The following PLS1 variants were observed in gnomAD, a reference collection of about 807,000 sequenced individuals.
PLS1 encodes the protein plastin-1.
In PLS1, 32 loss-of-function variants were observed where a neutral mutation model predicts 73.7. That is an observed-to-expected ratio of 0.43 (90% CI 0.33 to 0.58). PLS1 has a LOEUF of 0.58. Among genes scored for constraint, PLS1 ranks in the 20% least tolerant of loss-of-function variants. The pLI is 0.04. For missense variants in PLS1, 633 were observed against 740.5 expected, an observed-to-expected ratio of 0.85 and a Z score of 1.68; for synonymous variants, 217 against 261.3, an observed-to-expected ratio of 0.83 and a Z score of 1.63.
chr3:142,664,096 C>T (rs1324723637), intron 1 of PLS1, 106 bp from the exon 2 acceptor site: 1 of 473,136 alleles, frequency 2.1e-6, no homozygotes, highest in Admixed American at 3.8e-5. Context: ...TCAGCCAGAT[C>T]TCATAGATAA....
At chr3:142,685,817 C>A (rs759152994) in intron 8 of PLS1, among the ~76,000 whole-genome samples, 1 of 152,126 alleles carries the variant, frequency 6.6e-6, no homozygotes. Context: ...TTAATGTATG[C>A]ATGGGGAAGA....
Position 142,637,022 on chromosome 3 carries a change from A to G in PLS1, c.-36-27180A>G, listed in dbSNP as rs892500735. Among the ~76,000 whole-genome samples, 6 of 152,192 alleles carry G rather than the reference A, an allele frequency of 3.9e-5. No homozygotes were observed. In the East Asian group the frequency reaches 1.2e-3, roughly 29 times the overall value. ...AACTTGATAGCATCTTAAAAAGTCA[A>G]ATATACATTTACCACGATTTCCAGC... On this transcript the variant is annotated intron_variant, in intron 1 of 15. Coordinates refer to ENST00000457734, the MANE Select transcript of PLS1 (RefSeq NM_001145319.2).
intron 1 of PLS1, among the ~76,000 whole-genome samples, chr3:142,628,339 GTGCGCGC>G (rs1343715020): frequency 6.9e-5 from 2 of 29,058 alleles, no homozygotes; most frequent in African/African-American, 8.1e-4. Flanking sequence ...GTGTGTGTGT[GTGCGCGC>G]ACATGTGCAT....
chr3:142,692,861 T>G (rs190956560), intron 10 of PLS1, among the ~76,000 whole-genome samples: 1 of 151,056 alleles, frequency 6.6e-6, no homozygotes, highest in East Asian at 1.9e-4. Context: ...ATCTTTATGA[T>G]AGATAGAGAA....
chr3:142,659,233 CAG>C (rs1312892059), intron 1 of PLS1, among the ~76,000 whole-genome samples: 1 of 152,148 alleles, frequency 6.6e-6, no homozygotes, highest in East Asian at 1.9e-4. Context: ...TGACCCGAGT[CAG>C]GGGCTAGCTT....
At chr3:142,710,924 T>C (rs1054541854) in intron 14 of PLS1, among the ~76,000 whole-genome samples, 1 of 152,196 alleles carries the variant, frequency 6.6e-6, no homozygotes, top group African/African-American at 2.4e-5. Context: ...GGGTTCTGTA[T>C]TTACTGGTTG....
chr3:142,654,028 C>T (rs1346455034), intron 1 of PLS1, among the ~76,000 whole-genome samples: 1 of 152,172 alleles, frequency 6.6e-6, no homozygotes, highest in African/African-American at 2.4e-5. Flanking sequence ...CTAGGGGCCA[C>T]ATGTTGGGGC....
rs1026776659 is a variant in PLS1 at position 142,631,889 on chromosome 3, A to G, written c.-36-32313A>G. 1.0e-3 allele frequency among the ~76,000 whole-genome samples: 158 copies of G among 152,176 alleles called. 1 individual carries two copies. Among genetic ancestry groups the G allele is most frequent in the African/African-American group, 3.6e-3 (150 of 41,524 alleles). ...ACATGGGACTTCATCAAACCAAAAA[A>G]CTTCTGCACATCAAAGGAAATAATC... On this transcript the variant is annotated intron_variant, in intron 1 of 15. Coordinates refer to ENST00000457734, the MANE Select transcript of PLS1 (RefSeq NM_001145319.2).
chr3:142,658,728 G>A (rs558961495), intron 1 of PLS1, among the ~76,000 whole-genome samples: 4 of 152,242 alleles, frequency 2.6e-5, no homozygotes, highest in African/African-American at 9.6e-5. Flanking sequence ...TTGAGAAACA[G>A]ATGTGATTCA....
At chr3:142,694,184 T>A (rs1345893115) in intron 10 of PLS1, among the ~76,000 whole-genome samples, 1 of 152,102 alleles carries the variant, frequency 6.6e-6, no homozygotes, top group Non-Finnish European at 1.5e-5. Context: ...ACCACAGAAG[T>A]GTATCTGTTA....
intron 1 of PLS1, among the ~76,000 whole-genome samples, chr3:142,597,899 A>G (rs2035840472): frequency 6.6e-6 from 1 of 152,210 alleles, no homozygotes; most frequent in Non-Finnish European, 1.5e-5. Context: ...CTAGTACCTC[A>G]TAAATTCCTT....
chr3:142,704,635 A>ATTTTT lies in PLS1; in HGVS notation c.1629+75_1629+79dup, dbSNP rs10631186. On this transcript the variant is annotated intron_variant, in intron 14 of 15. Coordinates refer to ENST00000457734, the MANE Select transcript of PLS1 (RefSeq NM_001145319.2). ...TTTTTTTTTGTAGGTATAGGAAGGA[A>ATTTTT]TTTTTTTTTTTTTTTTTTTTTTTTT... 8.6e-3 allele frequency: 2,247 copies of ATTTTT among 261,674 alleles called. 100 individuals are homozygous for ATTTTT. The highest frequency in any genetic ancestry group is 0.01 in the Non-Finnish European group (1,572 of 151,846). 16.2% of individuals were successfully genotyped at this position (261,674 alleles called of 1,614,324 possible).
chr3:142,665,297 C>CA (rs11285999), intron 2 of PLS1, among the ~76,000 whole-genome samples: 6,846 of 112,182 alleles, frequency 0.061, 214 homozygotes, highest in Non-Finnish European at 0.094. Context: ...AAAAGCACTC[C>CA]AAAAAAAAAA....
chr3:142,608,810 A>G (rs1030974537), intron 1 of PLS1, among the ~76,000 whole-genome samples: 7 of 152,218 alleles, frequency 4.6e-5, no homozygotes, highest in Non-Finnish European at 1.5e-5. Context: ...AAACTAAGCC[A>G]GCTTTGCCTG....
chr3:142,704,860 A>G (rs1314912993), intron 14 of PLS1, among the ~76,000 whole-genome samples: 2 of 146,562 alleles, frequency 1.4e-5, no homozygotes, highest in Admixed American at 6.8e-5. Flanking sequence ...GGGTTTCACC[A>G]TGTTAGCCAG....
At chr3:142,655,652 G>T (rs1286103820) in intron 1 of PLS1, among the ~76,000 whole-genome samples, 1 of 151,130 alleles carries the variant, frequency 6.6e-6, no homozygotes, top group Non-Finnish European at 1.5e-5. Flanking sequence ...AACCTGGGAG[G>T]TGGAGGTTGC....
intron 1 of PLS1, among the ~76,000 whole-genome samples, chr3:142,625,591 C>G (rs2036407188): frequency 1.3e-5 from 2 of 152,096 alleles, no homozygotes; most frequent in Non-Finnish European, 2.9e-5. Flanking sequence ...ATACTACTTG[C>G]AAGGTCTATA....
At chr3:142,663,702 G>A (rs1281197346) in intron 1 of PLS1, among the ~76,000 whole-genome samples, 1 of 139,616 alleles carries the variant, frequency 7.2e-6, no homozygotes, top group Non-Finnish European at 1.5e-5. Flanking sequence ...CTTCACATGG[G>A]GTAGGGGAAA....
At chr3:142,597,851 C>T (rs947365954) in intron 1 of PLS1, among the ~76,000 whole-genome samples, 31 of 152,212 alleles carry the variant, frequency 2.0e-4, no homozygotes, top group Admixed American at 7.9e-4. Context: ...TGAAGTCTGG[C>T]TTAAGCAGAA....
Sources: allele counts gnomAD v4.1 joint callset (sites outside exome capture counted in the v4.1 genomes callset), GRCh38; gene constraint gnomAD v4.1.1; transcripts MANE v1.5; gene names NCBI Gene and HGNC (gene_info 2026-07-23, HGNC 2026-07-21).